Variants in CACNA2D3 observed in about 807,000 individuals in gnomAD.
The protein encoded by CACNA2D3 is calcium voltage-gated channel auxiliary subunit alpha2delta 3, also known as voltage-dependent calcium channel subunit alpha-2/delta-3.
Under a neutral mutation model 160.6 loss-of-function variants are expected in CACNA2D3, and 60 were observed. The ratio of observed to expected loss-of-function variants is 0.37; its 90% CI spans 0.30 to 0.46. The LOEUF is 0.46. CACNA2D3 is among the 20% of genes least tolerant of loss of function. CACNA2D3 has a pLI of 1.00. For synonymous variants in CACNA2D3, 558 were observed against 492.9 expected, an observed-to-expected ratio of 1.13 and a Z score of -1.75; for missense variants, 1,205 against 1,365.0, an observed-to-expected ratio of 0.88 and a Z score of 1.85.
intron 18 of CACNA2D3, among the ~76,000 whole-genome samples, chr3:54,872,420 C>T (rs531809212): frequency 1.3e-5 from 2 of 152,156 alleles, no homozygotes; most frequent in African/African-American, 2.4e-5. Flanking sequence ...GCTGAGGCCA[C>T]GTTTCTCTGC....
intron 2 of CACNA2D3, among the ~76,000 whole-genome samples, chr3:54,218,686 A>G (rs1244176314): frequency 6.6e-6 from 1 of 152,208 alleles, no homozygotes; most frequent in East Asian, 1.9e-4. Context: ...TAGTAGTTCT[A>G]AAGGTGAGAA....
chr3:54,280,626 T>C (rs1177127635), intron 2 of CACNA2D3, among the ~76,000 whole-genome samples: 2 of 152,234 alleles, frequency 1.3e-5, no homozygotes, highest in Non-Finnish European at 2.9e-5. Context: ...CCCGCCACAG[T>C]TTGGAGCATG....
chr3:54,700,536 T>A (rs1353871905), intron 11 of CACNA2D3, among the ~76,000 whole-genome samples: 1 of 152,232 alleles, frequency 6.6e-6, no homozygotes, highest in African/African-American at 2.4e-5. Flanking sequence ...TTGAATAAAG[T>A]TCTGTTGGAC....
chr3:54,282,435 G>C (rs142630153), intron 2 of CACNA2D3, among the ~76,000 whole-genome samples: 3 of 152,344 alleles, frequency 2.0e-5, no homozygotes, highest in Admixed American at 2.0e-4. Context: ...GGAAAGATGC[G>C]TCAAGGTAGA....
chr3:54,279,384 T>G (rs1702819858), intron 2 of CACNA2D3, among the ~76,000 whole-genome samples: 1 of 152,180 alleles, frequency 6.6e-6, no homozygotes, highest in East Asian at 1.9e-4. Flanking sequence ...TACTAGTATG[T>G]ATGCCCAAGG....
intron 6 of CACNA2D3, among the ~76,000 whole-genome samples, chr3:54,567,397 A>G (rs1485102518): frequency 6.6e-6 from 1 of 152,180 alleles, no homozygotes; most frequent in Non-Finnish European, 1.5e-5. Flanking sequence ...AATGTCTGCC[A>G]CCCCTTGATT....
chr3:54,377,413 A>G (rs1445843576), intron 3 of CACNA2D3, among the ~76,000 whole-genome samples: 3 of 152,202 alleles, frequency 2.0e-5, no homozygotes, highest in Admixed American at 6.5e-5. Flanking sequence ...AGTTCTCCCT[A>G]TATGAGAGCC....
At chr3:54,839,311 C>G (rs185211538) in intron 16 of CACNA2D3, among the ~76,000 whole-genome samples, 209 of 152,220 alleles carry the variant, frequency 1.4e-3, no homozygotes, top group Admixed American at 2.2e-3. Flanking sequence ...CCAGAAAACT[C>G]TCCTATTTCC....
intron 8 of CACNA2D3, among the ~76,000 whole-genome samples, chr3:54,570,705 T>G (rs1702482136): frequency 6.6e-6 from 1 of 152,226 alleles, no homozygotes; most frequent in South Asian, 2.1e-4. Context: ...TTTGGGCATA[T>G]TCTCAAATGA....
intron 35 of CACNA2D3, among the ~76,000 whole-genome samples, chr3:55,049,009 C>G (rs1447759155): frequency 6.7e-6 from 1 of 148,210 alleles, no homozygotes; most frequent in Non-Finnish European, 1.5e-5. Context: ...CTTTATTAGT[C>G]TTGCTAGCGG....
intron 10 of CACNA2D3, among the ~76,000 whole-genome samples, chr3:54,631,504 A>T (rs1699237453): frequency 6.6e-6 from 1 of 152,124 alleles, no homozygotes; most frequent in African/African-American, 2.4e-5. Context: ...TTACAAGTCA[A>T]TATGAAATAA....
chr3:55,070,893 C>T (rs1011197346), intron 35 of CACNA2D3, among the ~76,000 whole-genome samples: 1 of 152,056 alleles, frequency 6.6e-6, no homozygotes, highest in Non-Finnish European at 1.5e-5. Flanking sequence ...ACTATAGGTT[C>T]TTTGGAATGT....
At chr3:54,729,620 A>G (rs552980047) in intron 11 of CACNA2D3, among the ~76,000 whole-genome samples, 2 of 152,284 alleles carry the variant, frequency 1.3e-5, no homozygotes, top group South Asian at 4.1e-4. Context: ...CAATAAGAGT[A>G]TTGCTTTTGT....
intron 2 of CACNA2D3, among the ~76,000 whole-genome samples, chr3:54,250,182 T>C (rs1702160101): frequency 6.6e-6 from 1 of 152,140 alleles, no homozygotes; most frequent in African/African-American, 2.4e-5. Flanking sequence ...CCAGGCAAAA[T>C]CCTGATTTTG....
intron 4 of CACNA2D3, among the ~76,000 whole-genome samples, chr3:54,400,569 G>C (rs530196727): frequency 6.6e-6 from 1 of 152,142 alleles, no homozygotes; most frequent in Non-Finnish European, 1.5e-5. Context: ...GACAGCCTTT[G>C]CTACCACCAC....
intron 27 of CACNA2D3, chr3:54,918,770 G>T: frequency 6.2e-7 from 1 of 1,614,152 alleles, no homozygotes; most frequent in Non-Finnish European, 8.5e-7. Context: ...CACTGAGCCT[G>T]CGAGGACACT....
At chr3:54,957,630 G>A (rs747822595) in intron 27 of CACNA2D3, among the ~76,000 whole-genome samples, 2 of 152,154 alleles carry the variant, frequency 1.3e-5, no homozygotes, top group Non-Finnish European at 2.9e-5. Flanking sequence ...GGGAAGTGCT[G>A]TAACTGGCCA....
chr3:54,199,211 T>G (rs1701132650), intron 2 of CACNA2D3, among the ~76,000 whole-genome samples: 1 of 152,212 alleles, frequency 6.6e-6, no homozygotes, highest in Non-Finnish European at 1.5e-5. Context: ...TTACTAACTC[T>G]TTGGCAAATC....
chr3:54,300,872 T>C (rs1232986529), intron 2 of CACNA2D3, among the ~76,000 whole-genome samples: 1 of 151,942 alleles, frequency 6.6e-6, no homozygotes, highest in Non-Finnish European at 1.5e-5. Flanking sequence ...TTTTAAAAAA[T>C]TAGCTGGGCA....
Sources: gnomAD v4.1 joint callset for allele counts (sites outside exome capture counted in the v4.1 genomes callset) on GRCh38, gnomAD v4.1.1 for gene constraint, MANE v1.5 for transcripts, NCBI Gene and HGNC (gene_info 2026-07-23, HGNC 2026-07-21) for gene names.